The following PCDH9 variants were observed in gnomAD, a reference collection of about 807,000 sequenced individuals.
The protein encoded by PCDH9 is protocadherin 9, also known as protocadherin-9.
PCDH9 carries 24 observed loss-of-function variants against 70.6 expected under a neutral mutation model. The ratio of observed to expected loss-of-function variants is 0.34; its 90% CI spans 0.25 to 0.48. The LOEUF is 0.48. Ranked by LOEUF, PCDH9 falls within the 20% of genes least tolerant of loss-of-function variation. The pLI, the probability that PCDH9 is intolerant of heterozygous loss-of-function variation, is 0.99. For synonymous variants in PCDH9, 562 were observed against 558.5 expected, an observed-to-expected ratio of 1.01 and a Z score of -0.09; for missense variants, 1,281 against 1,503.6, an observed-to-expected ratio of 0.85 and a Z score of 2.45.
intron 3 of PCDH9, among the ~76,000 whole-genome samples, chr13:66,877,370 T>C (rs2081833876): frequency 6.6e-6 from 1 of 150,456 alleles, no homozygotes; most frequent in South Asian, 2.1e-4. Context: ...CTTTCTCTCC[T>C]AGAAGGTTTA....
intron 3 of PCDH9, among the ~76,000 whole-genome samples, chr13:66,865,664 G>A (rs537393740): frequency 1.3e-5 from 2 of 152,306 alleles, no homozygotes; most frequent in African/African-American, 2.4e-5. Context: ...AACATTACAG[G>A]GAGGGATGTG....
rs143324171 is a variant in PCDH9 at position 67,086,775 on chromosome 13, G to C, written c.3036+138630C>G. Among the ~76,000 whole-genome samples, 555 of 152,136 alleles carry C rather than the reference G, an allele frequency of 3.6e-3. 5 individuals are homozygous for C. Among genetic ancestry groups the C allele is most frequent in the African/African-American group, 0.013 (532 of 41,514 alleles). On this transcript the variant is annotated intron_variant, in intron 2 of 4. Transcript: ENST00000377865. The stretch of plus-strand genomic sequence containing the variant: ...ACACTGGCAAAATCTTTACAATAAA[G>C]AAACTCTTAGAGATACTTCAAAACA...
chr13:67,167,228 G>A (rs562214965), intron 2 of PCDH9, among the ~76,000 whole-genome samples: 3 of 152,226 alleles, frequency 2.0e-5, no homozygotes, highest in African/African-American at 7.2e-5. Context: ...TATGGGGTCA[G>A]GCTACATAGG....
At chr13:66,596,936 C>T (rs545622439) in intron 4 of PCDH9, among the ~76,000 whole-genome samples, 1 of 151,096 alleles carries the variant, frequency 6.6e-6, no homozygotes, top group South Asian at 2.1e-4. Flanking sequence ...AGAGTTACCA[C>T]CCATCTGGAA....
intron 4 of PCDH9, chr13:66,323,280 C>T (rs939764482): frequency 6.6e-6 from 1 of 151,926 alleles, no homozygotes; most frequent in Non-Finnish European, 1.5e-5. Context: ...TTTGGCATTA[C>T]TTCAAAAATT....
intron 2 of PCDH9, among the ~76,000 whole-genome samples, chr13:67,079,050 C>T (rs1201388632): frequency 6.6e-6 from 1 of 151,996 alleles, no homozygotes; most frequent in Non-Finnish European, 1.5e-5. Context: ...TGGCTCACGC[C>T]TGTAATCATA....
intron 2 of PCDH9, among the ~76,000 whole-genome samples, chr13:67,040,018 G>T (rs2085081478): frequency 6.6e-6 from 1 of 152,110 alleles, no homozygotes; most frequent in Admixed American, 6.6e-5. Context: ...ACAAGCATTT[G>T]TTGTCAGAAA....
Position 66,819,473 on chromosome 13 carries a change from C to T in PCDH9, c.3138+84031G>A, listed in dbSNP as rs141761276. The stretch of plus-strand genomic sequence containing the variant: ...GAGTTGGGGATAATGACTTTTACTA[C>T]GATAAAAAATATGATATCTTTATTA... On this transcript the variant is annotated intron_variant, in intron 3 of 4. Coordinates refer to ENST00000377865, the MANE Select transcript of PCDH9 (RefSeq NM_203487.3). 6.7e-3 allele frequency among the ~76,000 whole-genome samples: 1,012 copies of T among 152,090 alleles called. 3 individuals are homozygous for T. Among genetic ancestry groups the T allele is most frequent in the Middle Eastern group, 0.038 (11 of 292 alleles).
At chr13:66,810,792 C>T (rs976550830) in intron 3 of PCDH9, among the ~76,000 whole-genome samples, 19 of 151,478 alleles carry the variant, frequency 1.3e-4, no homozygotes, top group South Asian at 2.1e-4. Flanking sequence ...ATATTTCAAG[C>T]TTAAGAAAAA....
intron 3 of PCDH9, among the ~76,000 whole-genome samples, chr13:66,765,428 T>C (rs908757792): frequency 1.3e-5 from 2 of 152,056 alleles, no homozygotes; most frequent in Admixed American, 1.3e-4. Context: ...TGAGAACTCA[T>C]TCACACCAGT....
intron 4 of PCDH9, among the ~76,000 whole-genome samples, chr13:66,412,956 T>C (rs1486708337): frequency 6.6e-6 from 1 of 152,240 alleles, no homozygotes; most frequent in Admixed American, 6.5e-5. Flanking sequence ...GCCGCTCCTA[T>C]ATATGAATAG....
chr13:66,448,150 C>T (rs1958133795), intron 4 of PCDH9, among the ~76,000 whole-genome samples: 1 of 152,038 alleles, frequency 6.6e-6, no homozygotes, highest in Non-Finnish European at 1.5e-5. Flanking sequence ...ATTTCTCAGT[C>T]CAAAACAGAC....
At chr13:66,414,392 T>C (rs1049115664) in intron 4 of PCDH9, among the ~76,000 whole-genome samples, 4 of 152,256 alleles carry the variant, frequency 2.6e-5, no homozygotes, top group Non-Finnish European at 2.9e-5. Context: ...TTCTCTTGTC[T>C]GCTTCAGGTT....
chr13:66,559,773 C>G (rs1324813863), intron 4 of PCDH9, among the ~76,000 whole-genome samples: 3 of 121,250 alleles, frequency 2.5e-5, no homozygotes, highest in Non-Finnish European at 4.8e-5. Flanking sequence ...GCACTCCAGC[C>G]TGGGAGACAG....
intron 4 of PCDH9, among the ~76,000 whole-genome samples, chr13:66,564,869 T>TC (rs553911424): frequency 4.0e-4 from 61 of 151,954 alleles, no homozygotes; most frequent in African/African-American, 1.4e-3. Flanking sequence ...TGTAGGGTTT[T>TC]TTTTTTTTAA....
At chr13:66,816,444 C>T (rs2080606551) in intron 3 of PCDH9, among the ~76,000 whole-genome samples, 1 of 152,048 alleles carries the variant, frequency 6.6e-6, no homozygotes, top group Non-Finnish European at 1.5e-5. Context: ...TTCTCTCTCT[C>T]TCCACCTCCC....
chr13:66,829,559 T>C (rs11616479), intron 3 of PCDH9, among the ~76,000 whole-genome samples: 50,669 of 150,828 alleles, frequency 0.34, 9,519 homozygotes, highest in Non-Finnish European at 0.43. Flanking sequence ...AAAGGGTGAA[T>C]TTTACTGTTT....
chr13:66,727,016 G>A (rs2079014300), intron 3 of PCDH9, among the ~76,000 whole-genome samples: 2 of 152,166 alleles, frequency 1.3e-5, no homozygotes, highest in Admixed American at 1.3e-4. Flanking sequence ...CAGGTGCTTT[G>A]AGAGGCTGAA....
At chr13:66,573,946 C>T (rs1242822202) in intron 4 of PCDH9, among the ~76,000 whole-genome samples, 1 of 152,078 alleles carries the variant, frequency 6.6e-6, no homozygotes, top group Non-Finnish European at 1.5e-5. Context: ...TTTCTCTCCC[C>T]TACTTCTAGT....
Sources: allele counts gnomAD v4.1 joint callset (sites outside exome capture counted in the v4.1 genomes callset), GRCh38; gene constraint gnomAD v4.1.1; transcripts MANE v1.5; gene names NCBI Gene and HGNC (gene_info 2026-07-23, HGNC 2026-07-21).